The following NUDCD3 variants were observed in gnomAD, a reference collection of about 807,000 sequenced individuals.
The protein encoded by NUDCD3 is NudC domain containing 3.
Under a neutral mutation model 39.7 loss-of-function variants are expected in NUDCD3, and 13 were observed. The ratio of observed to expected loss-of-function variants is 0.33; its 90% CI spans 0.21 to 0.52. The LOEUF (loss-of-function observed/expected upper bound fraction) is 0.52. NUDCD3 is among the 20% of genes least tolerant of loss of function. NUDCD3 has a pLI of 0.96. For missense variants in NUDCD3, 453 were observed against 458.1 expected (o/e 0.99, Z 0.10); for synonymous variants, 175 against 172.4 (o/e 1.02, Z -0.12).
intron 2 of NUDCD3, among the ~76,000 whole-genome samples, chr7:44,467,443 AGCCAG>A (rs1490084196): frequency 6.6e-6 from 1 of 152,204 alleles, no homozygotes; most frequent in Non-Finnish European, 1.5e-5. Context: ...AAGAAAAAGA[AGCCAG>A]AGGTTCCTCT....
At chr7:44,472,247 T>C (rs992411737) in intron 2 of NUDCD3, among the ~76,000 whole-genome samples, 1 of 152,322 alleles carries the variant, frequency 6.6e-6, no homozygotes, top group African/African-American at 2.4e-5. Flanking sequence ...CTAAATATAG[T>C]TGTTACTAAA....
rs1442578250 is a variant in NUDCD3 at position 44,485,260 on chromosome 7, C to T, written c.217G>A (p.Ala73Thr). Reference sequence around the variant, plus strand: ...CTTCTCTTCTCATCATCCTGACGGGCCATGTGGTCAAAGGTTTTGAATACC... The same window carrying T: ...CTTCTCTTCTCATCATCCTGACGGGTCATGTGGTCAAAGGTTTTGAATACC... ...LQVFKTFDHMARQDDEKRRQE... is the reference protein window; with the variant it reads ...LQVFKTFDHMTRQDDEKRRQE... The change falls in exon 2 of 6, where the codon GCC becomes ACC. Residue 73 changes from alanine to threonine, a missense_variant. By Grantham distance (58) the Ala-to-Thr change is moderately conservative. Coordinates refer to ENST00000355451, the MANE Select transcript of NUDCD3 (RefSeq NM_015332.4). 2 of 1,612,942 alleles carry T rather than the reference C, an allele frequency of 1.2e-6. No homozygotes were observed. The highest frequency in any genetic ancestry group is 8.5e-7 in the Non-Finnish European group (1 of 1,179,294).
chr7:44,464,407 A>G (rs765663911), intron 2 of NUDCD3, among the ~76,000 whole-genome samples: 1 of 152,084 alleles, frequency 6.6e-6, no homozygotes, highest in Non-Finnish European at 1.5e-5. Flanking sequence ...AGCACAGACA[A>G]ATCATACACC....
rs562680309 is a variant in NUDCD3 at position 44,406,029 on chromosome 7, C to T, written c.643-1446G>A. On this transcript the variant is annotated intron_variant, in intron 3 of 5. Coordinates refer to ENST00000355451, the MANE Select transcript of NUDCD3 (RefSeq NM_015332.4). ...GCCCAGGCTGGTCTCGAACTCTTGG[C>T]CCCAAGTGATCCTACTGCCTCAGCC... Among the ~76,000 whole-genome samples, 7 of 152,282 alleles carry T rather than the reference C, an allele frequency of 4.6e-5. No individual in the cohort carries two copies. The East Asian group carries it at 7.7e-4, about 17-fold the overall frequency.
At chr7:44,390,162 C>T (rs1408494071) in intron 5 of NUDCD3, among the ~76,000 whole-genome samples, 7 of 151,954 alleles carry the variant, frequency 4.6e-5, no homozygotes, top group African/African-American at 1.2e-4. Flanking sequence ...GTCAGGAGTT[C>T]GAGACCAGCC....
chr7:44,432,619 C>A (rs531516605), intron 2 of NUDCD3, among the ~76,000 whole-genome samples: 1 of 152,208 alleles, frequency 6.6e-6, no homozygotes, highest in African/African-American at 2.4e-5. Flanking sequence ...GATTGAGGCC[C>A]GGTTTGTCAA....
chr7:44,472,808 T>G (rs913941622), intron 2 of NUDCD3, among the ~76,000 whole-genome samples: 6 of 151,798 alleles, frequency 4.0e-5, no homozygotes, highest in Admixed American at 2.6e-4. Flanking sequence ...CAGAAAGGAG[T>G]TAGGGACTCT....
At position 44,425,731 on chromosome 7, in the gene NUDCD3, T is replaced by C. The variant is rs896053733; in HGVS notation, c.642+1840A>G. Among the ~76,000 whole-genome samples, 3 of 152,144 alleles carry C rather than the reference T, an allele frequency of 2.0e-5. No homozygotes were observed. The South Asian group carries it at 6.2e-4, about 32-fold the overall frequency. ...TTTTTTTAAACTTAACCAGGCATGA[T>C]AGCAAGCACCTGAAGTCCCAGTTAC... is the stretch of plus-strand genomic sequence containing the variant. On this transcript the variant is annotated intron_variant, in intron 3 of 5. Coordinates refer to ENST00000355451, the MANE Select transcript of NUDCD3 (RefSeq NM_015332.4).
intron 1 of NUDCD3, among the ~76,000 whole-genome samples, chr7:44,486,283 A>G (rs2116986442): frequency 6.6e-6 from 1 of 152,360 alleles, no homozygotes; most frequent in East Asian, 1.9e-4. Context: ...TGTTCTGTGC[A>G]CTGCGCGGGC....
intron 4 of NUDCD3, among the ~76,000 whole-genome samples, chr7:44,397,747 CAT>C (rs755934589): frequency 3.4e-4 from 52 of 152,230 alleles, no homozygotes; most frequent in South Asian, 6.2e-4. Context: ...TATATAATAA[CAT>C]AGTATTTTCT....
At chr7:44,440,832 T>C (rs1799567915) in intron 2 of NUDCD3, among the ~76,000 whole-genome samples, 1 of 152,222 alleles carries the variant, frequency 6.6e-6, no homozygotes, top group Non-Finnish European at 1.5e-5. Context: ...CATAAGCTCT[T>C]ACCTAGTCTT....
chr7:44,455,660 G>T (rs1443750466), intron 2 of NUDCD3, among the ~76,000 whole-genome samples: 1 of 152,204 alleles, frequency 6.6e-6, no homozygotes, highest in Non-Finnish European at 1.5e-5. Context: ...GCAGGTAAAT[G>T]TGAGTGTAAG....
intron 2 of NUDCD3, among the ~76,000 whole-genome samples, chr7:44,437,715 G>A (rs1195658828): frequency 6.6e-6 from 1 of 152,150 alleles, no homozygotes; most frequent in East Asian, 1.9e-4. Flanking sequence ...TGTAGCTACA[G>A]TTAAAAAGAA....
chr7:44,475,079 C>T (rs544114548), intron 2 of NUDCD3, among the ~76,000 whole-genome samples: 308 of 151,768 alleles, frequency 2.0e-3, no homozygotes, highest in Non-Finnish European at 3.1e-3. Flanking sequence ...TTCAGGTAGA[C>T]AACACTCAAC....
chr7:44,411,450 A>C (rs1275593062), intron 3 of NUDCD3, among the ~76,000 whole-genome samples: 1 of 152,368 alleles, frequency 6.6e-6, no homozygotes, highest in Middle Eastern at 3.4e-3. Context: ...AAACAACCCA[A>C]TTAAAACATG....
At chr7:44,397,839 G>A (rs1029628897) in intron 4 of NUDCD3, among the ~76,000 whole-genome samples, 1 of 152,064 alleles carries the variant, frequency 6.6e-6, no homozygotes, top group African/African-American at 2.4e-5. Context: ...AATAACTTAT[G>A]ATGATTTACG....
intron 4 of NUDCD3, among the ~76,000 whole-genome samples, chr7:44,397,386 G>A (rs769937791): frequency 1.2e-4 from 18 of 152,138 alleles, no homozygotes; most frequent in Non-Finnish European, 2.4e-4. Flanking sequence ...GTTGGGTCAC[G>A]TGATGTCAGC....
At chr7:44,451,301 G>A (rs185165474) in intron 2 of NUDCD3, among the ~76,000 whole-genome samples, 43 of 152,290 alleles carry the variant, frequency 2.8e-4, no homozygotes, top group Non-Finnish European at 5.6e-4. Flanking sequence ...GAGACAGAAA[G>A]TAGAATGGTG....
At position 44,443,134 on chromosome 7, in the gene NUDCD3, G is replaced by C. The variant is rs1258176772; in HGVS notation, c.510-15431C>G. ...TGCAACCAAGAGAACCTATATGGCT[G>C]TCATGGGAGCCCTACCTTCTAGAAA... On this transcript the variant is annotated intron_variant, in intron 2 of 5. Transcript: ENST00000355451. Among the ~76,000 whole-genome samples the C allele has an allele frequency of 2.0e-5, 3 of 152,150 alleles. No individual in the cohort carries two copies. In the East Asian group the frequency reaches 5.8e-4, roughly 29 times the overall value.
Sources: allele counts gnomAD v4.1 joint callset (sites outside exome capture counted in the v4.1 genomes callset), GRCh38; gene constraint gnomAD v4.1.1; transcripts MANE v1.5; gene names NCBI Gene and HGNC (gene_info 2026-07-23, HGNC 2026-07-21).